The following CDH13 variants were observed in gnomAD, a reference collection of about 807,000 sequenced individuals.
CDH13 encodes the protein cadherin-13.
In CDH13, 24 loss-of-function variants were observed where a neutral mutation model predicts 63.8. The observed-to-expected ratio is 0.38, with a 90% CI of 0.27 to 0.53. The LOEUF (loss-of-function observed/expected upper bound fraction) is 0.53. Ranked by LOEUF, CDH13 falls within the 20% of genes least tolerant of loss-of-function variation. CDH13 has a pLI of 0.85. For missense variants in CDH13, 1,049 were observed against 903.1 expected (o/e 1.16, Z -2.07); for synonymous variants, 503 against 355.3 (o/e 1.42, Z -4.67).
chr16:83,577,426 C>T (rs185236701), intron 7 of CDH13, among the ~76,000 whole-genome samples: 1 of 152,338 alleles, frequency 6.6e-6, no homozygotes, highest in Non-Finnish European at 1.5e-5. Context: ...GGGTCCAGCT[C>T]TCTGGGGATG....
intron 6 of CDH13, among the ~76,000 whole-genome samples, chr16:83,386,712 A>G (rs911827774): frequency 6.6e-6 from 1 of 152,162 alleles, no homozygotes; most frequent in African/African-American, 2.4e-5. Context: ...TTTGACTGCA[A>G]GTATAAGAAA....
intron 4 of CDH13, among the ~76,000 whole-genome samples, chr16:83,206,603 C>G (rs1469593896): frequency 6.6e-6 from 1 of 152,220 alleles, no homozygotes; most frequent in African/African-American, 2.4e-5. Flanking sequence ...GTGCCAGAAA[C>G]TGGGTTTGGC....
At chr16:83,592,019 G>A (rs186550253) in intron 7 of CDH13, among the ~76,000 whole-genome samples, 190 of 152,146 alleles carry the variant, frequency 1.2e-3, no homozygotes, top group Non-Finnish European at 2.1e-3. Flanking sequence ...AATCTCTTCC[G>A]GCCTCCACCT....
intron 6 of CDH13, among the ~76,000 whole-genome samples, chr16:83,389,535 C>G (rs59470364): frequency 3.9e-5 from 6 of 151,928 alleles, no homozygotes; most frequent in Admixed American, 1.3e-4. Context: ...CATTCTTCTC[C>G]TCCTCAATCC....
At chr16:83,035,875 G>A (rs916227341) in intron 3 of CDH13, among the ~76,000 whole-genome samples, 3 of 152,166 alleles carry the variant, frequency 2.0e-5, no homozygotes, top group Admixed American at 2.0e-4. Flanking sequence ...GTAATGTATA[G>A]CACTCAGCTG....
chr16:82,770,003 T>G (rs2035201709), intron 1 of CDH13, among the ~76,000 whole-genome samples: 1 of 152,230 alleles, frequency 6.6e-6, no homozygotes, highest in African/African-American at 2.4e-5. Flanking sequence ...TCCCTGTTCT[T>G]GAATTGTGTA....
At chr16:83,409,462 C>A (rs2092095574) in intron 6 of CDH13, among the ~76,000 whole-genome samples, 1 of 152,190 alleles carries the variant, frequency 6.6e-6, no homozygotes, top group African/African-American at 2.4e-5. Context: ...TCAGCAGAGC[C>A]TGCTCCAAGA....
intron 6 of CDH13, among the ~76,000 whole-genome samples, chr16:83,462,817 A>G (rs2073214253): frequency 6.6e-6 from 1 of 152,172 alleles, no homozygotes; most frequent in Non-Finnish European, 1.5e-5. Context: ...CCAACCCTGA[A>G]ACATCTCTAA....
At chr16:82,902,275 A>G (rs931649766) in intron 2 of CDH13, among the ~76,000 whole-genome samples, 10 of 152,306 alleles carry the variant, frequency 6.6e-5, no homozygotes, top group African/African-American at 2.4e-4. Context: ...CATCTAAGGT[A>G]AAAATTATCA....
intron 4 of CDH13, among the ~76,000 whole-genome samples, chr16:83,196,851 G>A (rs891068407): frequency 1.3e-5 from 2 of 152,194 alleles, no homozygotes; most frequent in Non-Finnish European, 2.9e-5. Context: ...GAAATGTAGA[G>A]TGGTACAGCC....
chr16:83,350,099 C>T (rs1309860648), intron 6 of CDH13, among the ~76,000 whole-genome samples: 1 of 152,188 alleles, frequency 6.6e-6, no homozygotes, highest in African/African-American at 2.4e-5. Context: ...GCTTTAATTT[C>T]CAGGCACTTG....
At chr16:82,856,827 C>G (rs2039722592) in intron 1 of CDH13, among the ~76,000 whole-genome samples, 3 of 151,324 alleles carry the variant, frequency 2.0e-5, no homozygotes, top group South Asian at 4.2e-4. Context: ...AAGCTAGATT[C>G]TCTGGTGGAC....
At chr16:82,699,500 C>G (rs1018552461) in intron 1 of CDH13, among the ~76,000 whole-genome samples, 2 of 152,230 alleles carry the variant, frequency 1.3e-5, no homozygotes, top group Non-Finnish European at 2.9e-5. Flanking sequence ...TTCCCTTGCT[C>G]CACTTCATTA....
At chr16:83,626,902 T>G (rs972634756) in intron 8 of CDH13, among the ~76,000 whole-genome samples, 2 of 152,154 alleles carry the variant, frequency 1.3e-5, no homozygotes, top group African/African-American at 4.8e-5. Flanking sequence ...TGGACCACCT[T>G]CTGCCTTGGT....
rs1242720417 is a variant in CDH13, at chr16:83,512,366, AAAT to A, written c.960+25714_960+25716del. ...TAAATAAATAAATAAATAAATAAATAAATAAAATAAAAATAAAGGAAGGGCTGG... is the reference window on the plus strand; with the variant it reads ...TAAATAAATAAATAAATAAATAAATAAAAATAAAAATAAAGGAAGGGCTGG... On this transcript the variant is annotated intron_variant, in intron 7 of 13. Transcript: ENST00000567109. Among the ~76,000 whole-genome samples, 956 of 121,204 alleles carry A rather than the reference AAAT, an allele frequency of 7.9e-3. 9 individuals carry two copies. Among genetic ancestry groups the A allele is most frequent in the African/African-American group, 0.025 (909 of 35,838 alleles). 79.5% of individuals were successfully genotyped at this position (121,204 alleles called of 152,430 possible).
intron 6 of CDH13, among the ~76,000 whole-genome samples, chr16:83,355,703 A>T (rs1256852739): frequency 1.3e-5 from 2 of 152,144 alleles, no homozygotes; most frequent in Non-Finnish European, 2.9e-5. Flanking sequence ...CATGAAACAG[A>T]ATGGATGCTG....
At chr16:82,628,185 C>T (rs1266757552) in intron 1 of CDH13, among the ~76,000 whole-genome samples, 1 of 152,210 alleles carries the variant, frequency 6.6e-6, no homozygotes, top group African/African-American at 2.4e-5. Context: ...CCGATCCAGT[C>T]CCCCATCGCC....
intron 1 of CDH13, among the ~76,000 whole-genome samples, chr16:82,847,808 A>T (rs1290237416): frequency 1.3e-5 from 2 of 152,126 alleles, no homozygotes; most frequent in Non-Finnish European, 2.9e-5. Flanking sequence ...AGCCAGAGAA[A>T]TCACCACACA....
chr16:83,727,983 G>A (rs1319507901), intron 10 of CDH13, among the ~76,000 whole-genome samples: 1 of 152,184 alleles, frequency 6.6e-6, no homozygotes, highest in Non-Finnish European at 1.5e-5. Flanking sequence ...ACTGCCTGAG[G>A]GAAGGCGCTT....
Sources: gnomAD v4.1 joint callset for allele counts (sites outside exome capture counted in the v4.1 genomes callset) on GRCh38, gnomAD v4.1.1 for gene constraint, MANE v1.5 for transcripts, NCBI Gene and HGNC (gene_info 2026-07-23, HGNC 2026-07-21) for gene names.